AFG1L: variants seen among roughly 807,000 people sequenced by gnomAD.
The protein encoded by AFG1L is AFG1-like ATPase.
Under a neutral mutation model 62.2 loss-of-function variants are expected in AFG1L, and 53 were observed. The ratio of observed to expected loss-of-function variants is 0.85; its 90% CI spans 0.68 to 1.07. AFG1L has a LOEUF of 1.07. AFG1L is among the 50% of genes least tolerant of loss of function. AFG1L has a pLI of 0.00. For synonymous variants in AFG1L, 228 were observed against 210.3 expected (o/e 1.08, Z -0.73); for missense variants, 555 against 590.5 (o/e 0.94, Z 0.62).
intron 5 of AFG1L, among the ~76,000 whole-genome samples, chr6:108,357,945 T>A (rs1404947549): frequency 6.6e-6 from 1 of 152,178 alleles, no homozygotes; most frequent in Non-Finnish European, 1.5e-5. Flanking sequence ...CACTAAACCA[T>A]CTGGGGAAGA....
intron 10 of AFG1L, 63 bp downstream of exon 10, chr6:108,477,355 C>A: frequency 1.1e-6 from 1 of 895,446 alleles, no homozygotes; most frequent in South Asian, 2.1e-5. Flanking sequence ...TTCGTGTTTT[C>A]CTCTCTGCCC....
At chr6:108,305,444 G>GGTA (rs1777166309) in intron 1 of AFG1L, among the ~76,000 whole-genome samples, 1 of 152,154 alleles carries the variant, frequency 6.6e-6, no homozygotes, top group East Asian at 1.9e-4. Flanking sequence ...GGAGTGCAGT[G>GGTA]GTATGATCAC....
In AFG1L at chr6:108,522,500, G is replaced by T. The variant is rs1377864343; in HGVS notation, c.*75G>T. On this transcript the variant is annotated 3_prime_UTR_variant, in exon 13 of 13. Transcript: ENST00000368977. ...GAACTCCTTATTGTGGGACTTGAAGGAATCATTTTCTCATCATTAATTATG... is the reference window on the plus strand; with the variant it reads ...GAACTCCTTATTGTGGGACTTGAAGTAATCATTTTCTCATCATTAATTATG... 3 of 1,483,076 alleles carry T rather than the reference G, an allele frequency of 2.0e-6. No homozygotes were observed. The East Asian group carries it at 7.0e-5, about 35-fold the overall frequency. The allele number at this position is 1,483,076 out of a possible 1,614,324, so 91.9% of individuals were successfully genotyped here.
chr6:108,444,344 C>T (rs1771676005), intron 7 of AFG1L, among the ~76,000 whole-genome samples: 1 of 152,074 alleles, frequency 6.6e-6, no homozygotes, highest in Non-Finnish European at 1.5e-5. Context: ...AGTGAGTGGT[C>T]ATCTTTTTGC....
intron 6 of AFG1L, among the ~76,000 whole-genome samples, chr6:108,382,124 C>A (rs1366650290): frequency 6.6e-6 from 1 of 151,748 alleles, no homozygotes; most frequent in Non-Finnish European, 1.5e-5. Context: ...CCTCAGCCTC[C>A]CGAGTAGCTG....
At chr6:108,519,161 ATGT>A (rs1248116400) in intron 11 of AFG1L, among the ~76,000 whole-genome samples, 5 of 152,186 alleles carry the variant, frequency 3.3e-5, no homozygotes, top group African/African-American at 9.7e-5. Flanking sequence ...GAGGGCACAA[ATGT>A]TGTTCTCGCA....
chr6:108,347,585 G>A (rs1778910617), intron 3 of AFG1L, among the ~76,000 whole-genome samples: 1 of 152,188 alleles, frequency 6.6e-6, no homozygotes, highest in Admixed American at 6.5e-5. Context: ...GAAACTTTCT[G>A]AGTGGTCACT....
chr6:108,399,769 C>CTCTT lies in AFG1L; in HGVS notation c.749-2226_749-2225insCTTT, dbSNP rs1470281970. 2.8e-4 allele frequency among the ~76,000 whole-genome samples: 12 copies of CTCTT among 42,688 alleles called. 1 individual carries two copies. The highest frequency in any genetic ancestry group is 1.1e-3 in the African/African-American group (11 of 10,466). 28.0% of individuals were successfully genotyped at this position (42,688 alleles called of 152,430 possible). On this transcript the variant is annotated intron_variant, in intron 6 of 12. Transcript: ENST00000368977. ...TGGGGTGGGGTGTGGAAGTATCTCT[C>CTCTT]TTTTTTTTTTTTTTTTTTTTTTTTT...
intron 6 of AFG1L, among the ~76,000 whole-genome samples, chr6:108,400,377 T>G (rs1781514821): frequency 6.6e-6 from 1 of 151,412 alleles, no homozygotes; most frequent in African/African-American, 2.4e-5. Flanking sequence ...TATACCTAGT[T>G]TTCTGAGGGT....
intron 10 of AFG1L, among the ~76,000 whole-genome samples, chr6:108,498,879 C>T (rs559205265): frequency 6.6e-6 from 1 of 152,010 alleles, no homozygotes; most frequent in South Asian, 2.1e-4. Flanking sequence ...AAAGCTGGGG[C>T]AGGAGAATCA....
intron 7 of AFG1L, among the ~76,000 whole-genome samples, chr6:108,435,262 C>A (rs546756429): frequency 1.3e-5 from 2 of 152,296 alleles, no homozygotes; most frequent in South Asian, 4.1e-4. Flanking sequence ...TACAGCTGGT[C>A]TGGCTGATAG....
At chr6:108,466,630 G>A (rs1471284840) in intron 8 of AFG1L, among the ~76,000 whole-genome samples, 1 of 151,812 alleles carries the variant, frequency 6.6e-6, no homozygotes, top group South Asian at 2.1e-4. Context: ...GAAGGCGGCC[G>A]TCTGCAAGCC....
chr6:108,387,418 G>A (rs937041404), intron 6 of AFG1L: 3 of 152,254 alleles, frequency 2.0e-5, no homozygotes, highest in Admixed American at 1.3e-4. Flanking sequence ...ATACACCTGG[G>A]CTATGGGCCC....
intron 10 of AFG1L, among the ~76,000 whole-genome samples, chr6:108,498,580 A>C (rs1198543315): frequency 6.6e-6 from 1 of 152,256 alleles, no homozygotes; most frequent in Non-Finnish European, 1.5e-5. Context: ...AGGGTTATGT[A>C]AGATGATTTG....
rs1242877001 is a variant in AFG1L, at chr6:108,431,980, C to T, written c.808-15234C>T. On this transcript the variant is annotated intron_variant, in intron 7 of 12. Coordinates refer to ENST00000368977, the MANE Select transcript of AFG1L (RefSeq NM_145315.5). ...AGACACTGACAGGGAGACCCTACAA[C>T]TCTCTGTGCTGGTCTTCAGTGATAC... is the stretch of plus-strand genomic sequence containing the variant. Among the ~76,000 whole-genome samples, 5 of 150,346 alleles carry T rather than the reference C, an allele frequency of 3.3e-5. No homozygotes were observed. In the South Asian group the frequency reaches 8.5e-4, roughly 26 times the overall value.
At chr6:108,456,288 C>CT (rs984033359) in intron 8 of AFG1L, among the ~76,000 whole-genome samples, 91 of 152,068 alleles carry the variant, frequency 6.0e-4, no homozygotes, top group African/African-American at 2.1e-3. Flanking sequence ...CTTTTCTCAT[C>CT]TTTTTTACTT....
intron 7 of AFG1L, among the ~76,000 whole-genome samples, chr6:108,416,541 T>G (rs901253112): frequency 6.6e-6 from 1 of 152,174 alleles, no homozygotes; most frequent in South Asian, 2.1e-4. Context: ...CCATCAATGA[T>G]AGACCGGATT....
At chr6:108,500,228 G>A (rs1055153846) in intron 10 of AFG1L, among the ~76,000 whole-genome samples, 1 of 142,482 alleles carries the variant, frequency 7.0e-6, no homozygotes, top group Non-Finnish European at 1.5e-5. Context: ...ACGTATACCT[G>A]ATCTCAGGTG....
At chr6:108,310,281 A>G (rs1777354233) in intron 1 of AFG1L, among the ~76,000 whole-genome samples, 2 of 152,140 alleles carry the variant, frequency 1.3e-5, no homozygotes, top group South Asian at 2.1e-4. Flanking sequence ...AACACTAGTT[A>G]TTGTCTGTCT....
Sources: gnomAD v4.1 joint callset for allele counts (sites outside exome capture counted in the v4.1 genomes callset) on GRCh38, gnomAD v4.1.1 for gene constraint, MANE v1.5 for transcripts, NCBI Gene and HGNC (gene_info 2026-07-23, HGNC 2026-07-21) for gene names.